Variants in DAB1 observed in about 807,000 individuals in gnomAD.
DAB1 encodes the protein disabled homolog 1.
A neutral mutation model predicts 64.6 loss-of-function variants in DAB1; 15 were observed. That is an observed-to-expected ratio of 0.23 (90% CI 0.16 to 0.36). DAB1 has a LOEUF of 0.36. Among genes scored for constraint, DAB1 ranks in the 10% least tolerant of loss-of-function variants. The pLI, the probability that DAB1 is intolerant of heterozygous loss-of-function variation, is 1.00. For missense variants in DAB1, 596 were observed against 706.7 expected, an observed-to-expected ratio of 0.84 and a Z score of 1.78; for synonymous variants, 235 against 251.9, an observed-to-expected ratio of 0.93 and a Z score of 0.64.
intron 5 of DAB1, among the ~76,000 whole-genome samples, chr1:58,087,642 A>G (rs1650398952): frequency 6.6e-6 from 1 of 152,172 alleles, no homozygotes; most frequent in Non-Finnish European, 1.5e-5. Context: ...TGGATCTGAG[A>G]GTAGTATTTC....
rs869101619 is a variant in DAB1, at chr1:57,367,109, A to AAAATAAAAT, written c.-137+56812_-137+56820dup. Among the ~76,000 whole-genome samples the AAAATAAAAT allele has an allele frequency of 5.3e-3, 703 of 131,710 alleles. 11 individuals carry two copies. Among genetic ancestry groups the AAAATAAAAT allele is most frequent in the African/African-American group, 0.02 (661 of 32,264 alleles). 86.4% of individuals were successfully genotyped at this position (131,710 alleles called of 152,430 possible). A position where few individuals can be genotyped will look rare whatever the true frequency, so the allele number is the denominator to read the frequency against. Reference sequence around the variant, plus strand: ...AAAATAAAATAAAATAAAATAAAATAAAATAAAATAAATAAATTAGCCAGG... The same window carrying AAAATAAAAT: ...AAAATAAAATAAAATAAAATAAAATAAAATAAAATAAATAAAATAAATAAATTAGCCAGG... On this transcript the variant is annotated intron_variant, in intron 1 of 14. Coordinates refer to ENST00000371236, the MANE Select transcript of DAB1 (RefSeq NM_001365792.1).
At chr1:57,038,764 T>G (rs1323374767) in intron 9 of DAB1, among the ~76,000 whole-genome samples, 1 of 152,180 alleles carries the variant, frequency 6.6e-6, no homozygotes, top group East Asian at 1.9e-4. Context: ...AATATTTACA[T>G]CCAGATTCTT....
chr1:57,419,543 C>T (rs1225104468), intron 1 of DAB1, among the ~76,000 whole-genome samples: 3 of 150,594 alleles, frequency 2.0e-5, no homozygotes, highest in Non-Finnish European at 4.4e-5. Flanking sequence ...TGTATCTCTT[C>T]CTAAAGATAG....
rs796782459 is a variant in DAB1, at chr1:58,118,499, T to C, written n.387+32012A>G. ...ATATATATATATATATATATATATATATATACACACACACACACACACATA... is the reference window on the plus strand; with the variant it reads ...ATATATATATATATATATATATATACATATACACACACACACACACACATA... On this transcript the variant is annotated intron_variant and non_coding_transcript_variant, in intron 5 of 20. Transcript: ENST00000485760. 7.8e-3 allele frequency among the ~76,000 whole-genome samples: 614 copies of C among 79,058 alleles called. 9 individuals carry two copies. The highest frequency in any genetic ancestry group is 0.037 in the East Asian group (59 of 1,576). The allele number at this position is 79,058 out of a possible 152,430, so 51.9% of individuals were successfully genotyped here.
At chr1:57,006,485 G>A (rs1372011896) in intron 14 of DAB1, among the ~76,000 whole-genome samples, 1 of 152,166 alleles carries the variant, frequency 6.6e-6, no homozygotes, top group Non-Finnish European at 1.5e-5. Flanking sequence ...ACCTTCTGTT[G>A]ATTTCAGCTT....
intron 4 of DAB1, among the ~76,000 whole-genome samples, chr1:58,241,609 G>A (rs943039634): frequency 3.3e-5 from 5 of 151,956 alleles, no homozygotes; most frequent in African/African-American, 1.2e-4. Context: ...TGTAAAAGAA[G>A]CCTGAACAAA....
At chr1:57,145,686 CA>C (rs1659053242) in intron 2 of DAB1, among the ~76,000 whole-genome samples, 1 of 152,170 alleles carries the variant, frequency 6.6e-6, no homozygotes, top group Non-Finnish European at 1.5e-5. Context: ...ATAACCACCC[CA>C]ACAGGGTATT....
intron 5 of DAB1, among the ~76,000 whole-genome samples, chr1:57,918,780 T>C (rs539400782): frequency 2.6e-5 from 4 of 151,608 alleles, no homozygotes; most frequent in African/African-American, 4.9e-5. Context: ...GCAGAGATCA[T>C]GCGACTGCAC....
intron 5 of DAB1, among the ~76,000 whole-genome samples, chr1:58,124,113 T>C (rs1470660333): frequency 6.6e-6 from 1 of 152,110 alleles, no homozygotes; most frequent in African/African-American, 2.4e-5. Context: ...CATGTTTATC[T>C]GGTATCATCC....
chr1:58,427,624 A>C (rs1227693469), intron 3 of DAB1, among the ~76,000 whole-genome samples: 1 of 152,220 alleles, frequency 6.6e-6, no homozygotes, highest in South Asian at 2.1e-4. Context: ...AGGAGAGCCA[A>C]GGATAGTTCC....
At chr1:58,002,128 T>C (rs72666201) in intron 5 of DAB1, among the ~76,000 whole-genome samples, 2 of 152,160 alleles carry the variant, frequency 1.3e-5, no homozygotes, top group Non-Finnish European at 2.9e-5. Flanking sequence ...TGCAAAAAAA[T>C]AAGCTTTTGT....
intron 6 of DAB1, among the ~76,000 whole-genome samples, chr1:57,705,843 C>A: frequency 6.7e-6 from 1 of 148,420 alleles, no homozygotes; most frequent in South Asian, 2.1e-4. Flanking sequence ...TAATACGTAT[C>A]TTTGGACTAA....
chr1:58,311,319 A>G (rs1031518979), intron 4 of DAB1, among the ~76,000 whole-genome samples: 11 of 152,186 alleles, frequency 7.2e-5, no homozygotes, highest in Admixed American at 5.2e-4. Flanking sequence ...CAGTAGCTCA[A>G]ATAAGATCTG....
intron 5 of DAB1, among the ~76,000 whole-genome samples, chr1:58,118,947 T>C (rs1444289316): frequency 6.6e-6 from 1 of 151,628 alleles, no homozygotes; most frequent in Non-Finnish European, 1.5e-5. Context: ...AGCTAGCCAC[T>C]AGGCACATGT....
At chr1:57,210,246 C>T (rs197104) in intron 2 of DAB1, among the ~76,000 whole-genome samples, 49,760 of 151,950 alleles carry the variant, frequency 0.33, 8,308 homozygotes, top group Middle Eastern at 0.37. Flanking sequence ...TTTCCATTAA[C>T]ATTTTAAAGA....
intron 6 of DAB1, among the ~76,000 whole-genome samples, chr1:57,736,322 C>A (rs1647690442): frequency 6.6e-6 from 1 of 152,216 alleles, no homozygotes; most frequent in South Asian, 2.1e-4. Flanking sequence ...GACCCCAAAG[C>A]AAACTCCCAT....
intron 4 of DAB1, among the ~76,000 whole-genome samples, chr1:58,264,453 G>A (rs535930614): frequency 1.8e-4 from 27 of 152,290 alleles, no homozygotes; most frequent in Admixed American, 3.3e-4. Context: ...AATAGTGGCC[G>A]CTGTAACAAA....
intron 7 of DAB1, among the ~76,000 whole-genome samples, chr1:57,634,165 T>C (rs1646024554): frequency 6.6e-6 from 1 of 152,228 alleles, no homozygotes; most frequent in Non-Finnish European, 1.5e-5. Flanking sequence ...TGGTGTGACC[T>C]TGAAGAGTTA....
intron 3 of DAB1, among the ~76,000 whole-genome samples, chr1:58,487,248 GAC>G (rs899823277): frequency 6.6e-6 from 1 of 152,188 alleles, no homozygotes; most frequent in African/African-American, 2.4e-5. Context: ...TCATGAATAG[GAC>G]ACAGAAGTGA....
Sources: allele counts gnomAD v4.1 joint callset (sites outside exome capture counted in the v4.1 genomes callset), GRCh38; gene constraint gnomAD v4.1.1; transcripts MANE v1.5; gene names NCBI Gene and HGNC (gene_info 2026-07-23, HGNC 2026-07-21).